Variants in ZRANB3 observed in about 807,000 individuals in gnomAD.
The protein encoded by ZRANB3 is DNA annealing helicase and endonuclease ZRANB3.
A neutral mutation model predicts 133.8 loss-of-function variants in ZRANB3; 125 were observed. The observed-to-expected ratio is 0.93, with a 90% CI of 0.81 to 1.08. The LOEUF (loss-of-function observed/expected upper bound fraction) is 1.08. ZRANB3 is among the 50% of genes least tolerant of loss of function. The probability of loss-of-function intolerance (pLI) is 0.00; values close to 1 mark genes in which losing one functional copy is unlikely to be tolerated. For missense variants in ZRANB3, 1,229 were observed against 1,275.5 expected, an observed-to-expected ratio of 0.96 and a Z score of 0.56; for synonymous variants, 387 against 432.7, an observed-to-expected ratio of 0.89 and a Z score of 1.31.
chr2:135,411,344 G>A (rs893830965), intron 2 of ZRANB3, among the ~76,000 whole-genome samples: 1 of 152,068 alleles, frequency 6.6e-6, no homozygotes, highest in Admixed American at 6.6e-5. Context: ...CAACCCCGAT[G>A]GAAAGCAGTA....
intron 2 of ZRANB3, among the ~76,000 whole-genome samples, chr2:135,478,885 GTA>G (rs1342248617): frequency 6.6e-6 from 1 of 151,496 alleles, no homozygotes; most frequent in Non-Finnish European, 1.5e-5. Flanking sequence ...CCTGTTATAT[GTA>G]TATATGTATA....
At chr2:135,402,083 C>T (rs1687758191) in intron 2 of ZRANB3, among the ~76,000 whole-genome samples, 1 of 151,344 alleles carries the variant, frequency 6.6e-6, no homozygotes, top group African/African-American at 2.4e-5. Flanking sequence ...AATTTTTTAA[C>T]CTAGTTTTGG....
chr2:135,453,248 C>T (rs552354766), intron 2 of ZRANB3, among the ~76,000 whole-genome samples: 28 of 152,288 alleles, frequency 1.8e-4, no homozygotes, highest in Admixed American at 1.2e-3. Flanking sequence ...GCCCACAAAA[C>T]CATTTTTTCC....
At chr2:135,299,697 A>T (rs868288343) in intron 8 of ZRANB3, among the ~76,000 whole-genome samples, 5 of 152,234 alleles carry the variant, frequency 3.3e-5, no homozygotes, top group African/African-American at 1.2e-4. Context: ...GATAACAAAC[A>T]TACTTAAAAT....
At chr2:135,343,022 A>AC (rs1341986761) in intron 6 of ZRANB3, among the ~76,000 whole-genome samples, 4 of 145,642 alleles carry the variant, frequency 2.7e-5, no homozygotes, top group Admixed American at 6.7e-5. Flanking sequence ...AAAAAAAAAA[A>AC]AAAAAAAAAA....
intron 1 of ZRANB3, chr2:135,510,758 T>G (rs1038168932): frequency 6.2e-6 from 5 of 804,964 alleles, no homozygotes; most frequent in Non-Finnish European, 1.1e-5. Context: ...ATGGGCCTGT[T>G]GCGAAGGACC....
rs189026562 is a variant in ZRANB3, at chr2:135,371,437, T to A, written c.181-17809A>T. On this transcript the variant is annotated intron_variant, in intron 3 of 20. Coordinates refer to ENST00000264159, the MANE Select transcript of ZRANB3 (RefSeq NM_032143.4). ...TCCAGGAGGATGCTTTGTGTCTGTA[T>A]CTATCTGGGTATGGTTTAACTCACC... Among the ~76,000 whole-genome samples the A allele has an allele frequency of 1.9e-4, 29 of 152,310 alleles. No individual in the cohort carries two copies. The East Asian group carries it at 5.0e-3, about 26-fold the overall frequency.
At chr2:135,270,467 G>A (rs1395907146) in intron 10 of ZRANB3, among the ~76,000 whole-genome samples, 2 of 152,092 alleles carry the variant, frequency 1.3e-5, no homozygotes, top group African/African-American at 4.8e-5. Flanking sequence ...TGAATAAAAT[G>A]TAAGTGCCCC....
intron 3 of ZRANB3, among the ~76,000 whole-genome samples, chr2:135,376,359 T>G (rs536794574): frequency 6.6e-6 from 1 of 152,194 alleles, no homozygotes; most frequent in African/African-American, 2.4e-5. Context: ...ACTCCTAGAT[T>G]TGAAAACCTA....
At chr2:135,339,413 A>C (rs1684525947) in intron 6 of ZRANB3, among the ~76,000 whole-genome samples, 2 of 151,268 alleles carry the variant, frequency 1.3e-5, no homozygotes, top group African/African-American at 4.9e-5. Flanking sequence ...GAAAAAAAAA[A>C]CAACAAAAAA....
At chr2:135,415,042 G>T (rs1054587103) in intron 2 of ZRANB3, among the ~76,000 whole-genome samples, 2 of 150,914 alleles carry the variant, frequency 1.3e-5, no homozygotes, top group African/African-American at 4.9e-5. Flanking sequence ...ACAATTAAAA[G>T]AACTAGAAAA....
At chr2:135,506,863 T>C (rs1348772096) in intron 1 of ZRANB3, among the ~76,000 whole-genome samples, 2 of 152,146 alleles carry the variant, frequency 1.3e-5, no homozygotes, top group African/African-American at 4.8e-5. Context: ...ACTGCTTCAG[T>C]AGGCAATTGA....
At chr2:135,214,020 A>C (rs978033675) in intron 17 of ZRANB3, among the ~76,000 whole-genome samples, 4 of 152,162 alleles carry the variant, frequency 2.6e-5, no homozygotes, top group Admixed American at 2.0e-4. Context: ...CTACAACTGC[A>C]AGGAACTGAG....
At chr2:135,327,112 G>T (rs530838026) in intron 6 of ZRANB3, among the ~76,000 whole-genome samples, 10 of 152,006 alleles carry the variant, frequency 6.6e-5, no homozygotes, top group Middle Eastern at 6.8e-3. Flanking sequence ...TTATACTATA[G>T]GATGTACTTT....
At chr2:135,455,175 T>A (rs71417570) in intron 2 of ZRANB3, among the ~76,000 whole-genome samples, 21 of 76,856 alleles carry the variant, frequency 2.7e-4, no homozygotes, top group African/African-American at 2.1e-3. Context: ...CTTATACTTT[T>A]TTTTTTTTTT....
intron 12 of ZRANB3, among the ~76,000 whole-genome samples, chr2:135,254,623 A>G (rs1679562274): frequency 6.6e-6 from 1 of 152,188 alleles, no homozygotes; most frequent in South Asian, 2.1e-4. Flanking sequence ...GAAAAAAACA[A>G]AACAAAAAAC....
intron 12 of ZRANB3, among the ~76,000 whole-genome samples, chr2:135,264,079 A>C (rs977234192): frequency 2.6e-5 from 4 of 151,242 alleles, no homozygotes; most frequent in African/African-American, 9.7e-5. Context: ...GTGAGCCACC[A>C]CGCCTGGTCC....
chr2:135,270,030 T>C (rs534400685), intron 10 of ZRANB3, among the ~76,000 whole-genome samples: 5 of 152,308 alleles, frequency 3.3e-5, no homozygotes, highest in African/African-American at 1.2e-4. Flanking sequence ...AATATTTTCA[T>C]GTCACATAAC....
chr2:135,322,591 TC>T (rs1683583165), intron 6 of ZRANB3, among the ~76,000 whole-genome samples: 1 of 151,990 alleles, frequency 6.6e-6, no homozygotes, highest in African/African-American at 2.4e-5. Context: ...GGTGTTGTGC[TC>T]CTGTAGTCCT....
Sources: gnomAD v4.1 joint callset for allele counts (sites outside exome capture counted in the v4.1 genomes callset) on GRCh38, gnomAD v4.1.1 for gene constraint, MANE v1.5 for transcripts, NCBI Gene and HGNC (gene_info 2026-07-23, HGNC 2026-07-21) for gene names.